The following STAB2 variants were observed in gnomAD, a reference collection of about 807,000 sequenced individuals.
STAB2 encodes the protein stabilin 2.
In STAB2, 288 loss-of-function variants were observed where a neutral mutation model predicts 338.1. That is an observed-to-expected ratio of 0.85 (90% CI 0.77 to 0.94). The LOEUF (loss-of-function observed/expected upper bound fraction) is 0.94, where lower values mean the gene tolerates loss of function less well. STAB2 is among the 40% of genes least tolerant of loss of function. The pLI, the probability that STAB2 is intolerant of heterozygous loss-of-function variation, is 0.00. For missense variants in STAB2, 3,141 were observed against 3,210.1 expected (o/e 0.98, Z 0.52); for synonymous variants, 1,202 against 1,193.3 (o/e 1.01, Z -0.15).
intron 2 of STAB2, among the ~76,000 whole-genome samples, chr12:103,591,651 G>A (rs1956799833): frequency 6.6e-6 from 1 of 152,174 alleles, no homozygotes; most frequent in Non-Finnish European, 1.5e-5. Flanking sequence ...CCTTGAGTGT[G>A]ATAGTCATCT....
In STAB2 at chr12:103,690,353, C is replaced by G. The variant is rs1451350950; in HGVS notation, c.3183-71C>G. 4 of 1,315,722 alleles carry G rather than the reference C, an allele frequency of 3.0e-6. No individual in the cohort carries two copies. In the Admixed American group the frequency reaches 8.3e-5, roughly 27 times the overall value. The allele number at this position is 1,315,722 out of a possible 1,614,324, so 81.5% of individuals were successfully genotyped here. On this transcript the variant is annotated intron_variant, in intron 29 of 68. Coordinates refer to ENST00000388887, the MANE Select transcript of STAB2 (RefSeq NM_017564.10). Reference sequence around the variant, plus strand: ...TGGCAATCTGGCTCCAGAGCCTATTCTCTTAACTATTCAATGATACAGCCC... The same window carrying G: ...TGGCAATCTGGCTCCAGAGCCTATTGTCTTAACTATTCAATGATACAGCCC...
chr12:103,643,913 A>G (rs1246202067), intron 9 of STAB2, among the ~76,000 whole-genome samples: 2 of 92,728 alleles, frequency 2.2e-5, no homozygotes, highest in African/African-American at 8.7e-5. Context: ...CTGGGAAGTG[A>G]GGAGCCCCTC....
At chr12:103,752,606 G>A (rs759316061) in intron 60 of STAB2, among the ~76,000 whole-genome samples, 2 of 152,090 alleles carry the variant, frequency 1.3e-5, no homozygotes, top group Non-Finnish European at 2.9e-5. Context: ...GCACAGCAGG[G>A]GTCAGAAAAC....
At chr12:103,621,982 C>T (rs1475904645) in intron 4 of STAB2, 60 bp from the exon 5 acceptor site, 3 of 1,520,978 alleles carry the variant, frequency 2.0e-6, no homozygotes, top group Non-Finnish European at 2.7e-6. Context: ...AAATCCAAGG[C>T]CTTCCTTGGT....
chr12:103,744,226 C>T (rs1586986), intron 56 of STAB2, among the ~76,000 whole-genome samples: 78,609 of 151,756 alleles, frequency 0.52, 21,015 homozygotes, highest in South Asian at 0.65. Flanking sequence ...TCACTGCAGC[C>T]TCAACCTCCT....
At chr12:103,669,279 C>T (rs1337620315) in intron 20 of STAB2, 4 of 416,498 alleles carry the variant, frequency 9.6e-6, no homozygotes, top group East Asian at 4.0e-5. Flanking sequence ...CAACTTAGAA[C>T]GTTGGCTCCA....
chr12:103,696,807 G>A (rs901970322), intron 33 of STAB2, among the ~76,000 whole-genome samples: 5 of 152,100 alleles, frequency 3.3e-5, no homozygotes, highest in African/African-American at 1.2e-4. Flanking sequence ...CCAGCTTCCT[G>A]GGACACCTGC....
intron 5 of STAB2, among the ~76,000 whole-genome samples, chr12:103,622,834 A>G (rs997706071): frequency 1.3e-5 from 2 of 152,126 alleles, no homozygotes; most frequent in African/African-American, 4.8e-5. Flanking sequence ...TTGCCTGCCC[A>G]GCTTTTCTCT....
intron 33 of STAB2, among the ~76,000 whole-genome samples, chr12:103,696,565 A>T (rs1026984517): frequency 6.6e-6 from 1 of 152,346 alleles, no homozygotes; most frequent in South Asian, 2.1e-4. Flanking sequence ...AAAGAGTTTT[A>T]AGTCAGATCG....
Position 103,717,927 on chromosome 12 carries a change from G to A in STAB2, c.4683+86G>A, listed in dbSNP as rs575480161. ...CACTTCTCGGGGATGCAGAGTTGAG[G>A]AACTCTTCCTCTGGAGGCCTCAGAG... On this transcript the variant is annotated intron_variant, in intron 44 of 68. Coordinates refer to ENST00000388887, the MANE Select transcript of STAB2 (RefSeq NM_017564.10). The A allele has an allele frequency of 7.7e-5, 105 of 1,365,874 alleles. 2 individuals are homozygous for A. The South Asian group carries it at 1.1e-3, about 15-fold the overall frequency. 84.6% of individuals were successfully genotyped at this position (1,365,874 alleles called of 1,614,324 possible).
chr12:103,594,458 G>C lies in STAB2; in HGVS notation c.279G>C (p.Lys93Asn). 1 of 1,614,010 alleles carries C rather than the reference G, an allele frequency of 6.2e-7. No individual in the cohort carries two copies. The highest frequency in any genetic ancestry group is 8.5e-7 in the Non-Finnish European group (1 of 1,179,894). ...SLPGCRHICR[K>N]DYLQPRCCPG... Reference sequence around the variant, plus strand: ...CCGGATGCCGCCATATTTGTAGGAAGGACTATCTCCAACCTCGGTGTTGTC... The same window carrying C: ...CCGGATGCCGCCATATTTGTAGGAACGACTATCTCCAACCTCGGTGTTGTC... Residue 93 changes from lysine (K) to asparagine (N), a missense_variant, in exon 3 of 69, where the codon AAG (lysine) becomes AAC (asparagine). Physicochemically the swap from Lys to Asn is moderately conservative, Grantham distance 94. Transcript: ENST00000388887.
rs201265703 is a variant in STAB2, at chr12:103,662,907, G to A, written c.1931G>A (p.Arg644Gln). ...EEIEITAKNG[R>Q]IYTLTGVLIP... Reference sequence around the variant, plus strand: ...ATTGAGATCACTGCCAAAAATGGCCGAATTTACACACTGACAGGAGTTCTC... The same window carrying A: ...ATTGAGATCACTGCCAAAAATGGCCAAATTTACACACTGACAGGAGTTCTC... Residue 644 changes from arginine to glutamine, a missense_variant, in exon 18 of 69, where the codon CGA becomes CAA. Arg to Gln is a conservative substitution (Grantham distance 43, BLOSUM62 1). Coordinates refer to ENST00000388887, the MANE Select transcript of STAB2 (RefSeq NM_017564.10). The A allele has an allele frequency of 5.0e-5, 81 of 1,614,162 alleles. No individual in the cohort carries two copies. The East Asian group carries it at 1.4e-3, about 28-fold the overall frequency.
intron 1 of STAB2, 69 bp from the exon 2 acceptor site, chr12:103,590,828 G>A: frequency 6.3e-7 from 1 of 1,579,758 alleles, no homozygotes; most frequent in Non-Finnish European, 8.7e-7. Flanking sequence ...GGAGAAGATT[G>A]GCCATGCTAG....
In STAB2 at chr12:103,605,733, T is replaced by C. The variant is rs541328182; in HGVS notation, c.331+11223T>C. On this transcript the variant is annotated intron_variant, in intron 3 of 68. Coordinates refer to ENST00000388887, the MANE Select transcript of STAB2 (RefSeq NM_017564.10). ...ATGAAATGAACTTCTTTATACCTGG[T>C]AAAAATATGTTAATTTGAAATCTAC... Among the ~76,000 whole-genome samples, 30 of 152,178 alleles carry C rather than the reference T, an allele frequency of 2.0e-4. No homozygotes were observed. The East Asian group carries it at 3.7e-3, about 19-fold the overall frequency.
Position 103,690,592 on chromosome 12 carries a change from T to C in STAB2, c.3297+54T>C, listed in dbSNP as rs988762280. ...TTGAAACATAACAGCTTTGTTTATA[T>C]TGTACTTTTTAAATTTTCATGTTAT... On this transcript the variant is annotated intron_variant, in intron 30 of 68. Transcript: ENST00000388887. 7.4e-6 allele frequency: 11 copies of C among 1,489,186 alleles called. 1 individual carries two copies. Among genetic ancestry groups the C allele is most frequent in the African/African-American group, 7.0e-5 (5 of 71,268 alleles). 92.2% of individuals were successfully genotyped at this position (1,489,186 alleles called of 1,614,324 possible).
At position 103,742,532 on chromosome 12, in the gene STAB2, G is replaced by A. The variant is rs1882669905; in HGVS notation, c.6009G>A (p.Gly2003=). The A allele has an allele frequency of 1.2e-6, 2 of 1,614,166 alleles. No homozygotes were observed. Among genetic ancestry groups the A allele is most frequent in the African/African-American group, 1.3e-5 (1 of 75,030 alleles). The change falls in exon 56 of 69, where the codon GGG becomes GGA. Residue 2003 remains glycine, a synonymous_variant. Coordinates refer to ENST00000388887, the MANE Select transcript of STAB2 (RefSeq NM_017564.10). ...CGGCGTGTGAGATGTGCTGGCCGGG[G>A]AGATTCGGGCCTGATTGTCTGCGTA... is the stretch of plus-strand genomic sequence containing the variant. ...NGTACEMCWP[G]RFGPDCLPCG...
intron 65 of STAB2, among the ~76,000 whole-genome samples, chr12:103,760,816 T>C (rs1333786217): frequency 6.6e-6 from 1 of 152,244 alleles, no homozygotes; most frequent in Non-Finnish European, 1.5e-5. Flanking sequence ...AAATTTAATG[T>C]GCATTTGAAT....
intron 9 of STAB2, among the ~76,000 whole-genome samples, chr12:103,642,235 A>G (rs1872976554): frequency 6.6e-6 from 1 of 152,232 alleles, no homozygotes; most frequent in Non-Finnish European, 1.5e-5. Flanking sequence ...AAATAACTTT[A>G]TGCTTTGCCT....
At chr12:103,751,875 C>T (rs1262302477) in intron 60 of STAB2, among the ~76,000 whole-genome samples, 1 of 152,194 alleles carries the variant, frequency 6.6e-6, no homozygotes, top group Non-Finnish European at 1.5e-5. Flanking sequence ...CACGTTGGAC[C>T]TCCCTTCTGT....
Sources: gnomAD v4.1 joint callset for allele counts (sites outside exome capture counted in the v4.1 genomes callset) on GRCh38, gnomAD v4.1.1 for gene constraint, MANE v1.5 for transcripts, NCBI Gene and HGNC (gene_info 2026-07-23, HGNC 2026-07-21) for gene names.